The following EXT1 variants were observed in gnomAD, a reference collection of about 807,000 sequenced individuals.
The protein encoded by EXT1 is exostosin glycosyltransferase 1.
In EXT1, 20 loss-of-function variants were observed where a neutral mutation model predicts 82.5. The ratio of observed to expected loss-of-function variants is 0.24; its 90% CI spans 0.17 to 0.35. The LOEUF (loss-of-function observed/expected upper bound fraction) is 0.35, where lower values mean the gene tolerates loss of function less well. EXT1 is among the 10% of genes least tolerant of loss of function. The pLI is 1.00. For synonymous variants in EXT1, 348 were observed against 350.8 expected (o/e 0.99, Z 0.09); for missense variants, 757 against 936.5 (o/e 0.81, Z 2.50).
intron 1 of EXT1, among the ~76,000 whole-genome samples, chr8:117,942,931 G>T (rs1490860782): frequency 6.6e-6 from 1 of 152,174 alleles, no homozygotes; most frequent in Non-Finnish European, 1.5e-5. Flanking sequence ...AGAGCTTCTT[G>T]GACCCATAGA....
At chr8:118,010,157 G>C (rs1815867862) in intron 1 of EXT1, among the ~76,000 whole-genome samples, 1 of 151,932 alleles carries the variant, frequency 6.6e-6, no homozygotes, top group African/African-American at 2.4e-5. Flanking sequence ...CGGATCACGA[G>C]GTCAGGAGCT....
At chr8:118,022,287 T>C (rs1816118295) in intron 1 of EXT1, among the ~76,000 whole-genome samples, 1 of 148,324 alleles carries the variant, frequency 6.7e-6, no homozygotes, top group Non-Finnish European at 1.5e-5. Context: ...GGAGGCAATA[T>C]ATTAAAAAAA....
At chr8:117,854,550 C>T (rs994490231) in intron 1 of EXT1, among the ~76,000 whole-genome samples, 20 of 152,082 alleles carry the variant, frequency 1.3e-4, no homozygotes, top group Non-Finnish European at 4.4e-5. Flanking sequence ...AAGAAAGCTG[C>T]TGGTAAGTGT....
chr8:117,968,103 A>T (rs1814860022), intron 1 of EXT1, among the ~76,000 whole-genome samples: 1 of 151,984 alleles, frequency 6.6e-6, no homozygotes, highest in Non-Finnish European at 1.5e-5. Context: ...TAAACAATAA[A>T]ATTTACTTTT....
chr8:117,870,574 A>G (rs571429899), intron 1 of EXT1, among the ~76,000 whole-genome samples: 1 of 150,596 alleles, frequency 6.6e-6, no homozygotes, highest in Admixed American at 6.6e-5. Flanking sequence ...TATTTACCCT[A>G]GAGTGAATTG....
chr8:117,884,448 T>C (rs550909743), intron 1 of EXT1, among the ~76,000 whole-genome samples: 1 of 152,294 alleles, frequency 6.6e-6, no homozygotes, highest in Admixed American at 6.5e-5. Context: ...AGCTTTTTCT[T>C]AGATGCAATC....
At position 117,921,044 on chromosome 8, in the gene EXT1, T is replaced by C. The variant is rs11562682; in HGVS notation, c.963-83843A>G. ...CCATCACAGGTCATCCTTTAATGTT[T>C]TGCATCGAAAGGGTGGTTTTTATAT... is the stretch of plus-strand genomic sequence containing the variant. On this transcript the variant is annotated intron_variant, in intron 1 of 10. Transcript: ENST00000378204. Among the ~76,000 whole-genome samples the C allele has an allele frequency of 6.7e-3, 1,017 of 152,336 alleles. 13 individuals carry two copies. The highest frequency in any genetic ancestry group is 0.021 in the African/African-American group (893 of 41,568).
rs1171598650 is a variant in EXT1, at chr8:117,937,100, C to T, written c.963-99899G>A. 2.6e-5 allele frequency among the ~76,000 whole-genome samples: 4 copies of T among 152,274 alleles called. No individual in the cohort carries two copies. The East Asian group carries it at 5.8e-4, about 22-fold the overall frequency. On this transcript the variant is annotated intron_variant, in intron 1 of 10. Coordinates refer to ENST00000378204, the MANE Select transcript of EXT1 (RefSeq NM_000127.3). ...TCCCCTGCCCAATATCCCCTCAAAA[C>T]ACACCATTTAGCTCCTTCAAATACC...
intron 1 of EXT1, among the ~76,000 whole-genome samples, chr8:117,863,786 G>A (rs1009014774): frequency 1.3e-5 from 2 of 152,156 alleles, no homozygotes; most frequent in East Asian, 1.9e-4. Flanking sequence ...CGCAGGGTGA[G>A]GAAGAAGGTG....
At chr8:118,016,326 G>A (rs1816002946) in intron 1 of EXT1, among the ~76,000 whole-genome samples, 1 of 152,220 alleles carries the variant, frequency 6.6e-6, no homozygotes, top group Admixed American at 6.5e-5. Context: ...CTGGGAGGCA[G>A]AGGTTGCAGT....
At chr8:118,110,001 AC>A in intron 1 of EXT1, 83 bp downstream of exon 1, 1 of 1,604,394 alleles carries the variant, frequency 6.2e-7, no homozygotes. Flanking sequence ...ATCCGCCCTC[AC>A]CCCATCCCCC....
intron 1 of EXT1, among the ~76,000 whole-genome samples, chr8:118,082,157 T>C (rs1238104300): frequency 1.3e-5 from 2 of 152,292 alleles, no homozygotes; most frequent in East Asian, 3.9e-4. Context: ...GACCTCAGAC[T>C]AGGGGAAGGG....
intron 1 of EXT1, among the ~76,000 whole-genome samples, chr8:117,972,942 T>C (rs1245977759): frequency 1.3e-5 from 2 of 152,150 alleles, no homozygotes; most frequent in Non-Finnish European, 2.9e-5. Flanking sequence ...GGAACTAAAA[T>C]TCAGATGAGA....
intron 1 of EXT1, among the ~76,000 whole-genome samples, chr8:118,009,598 G>A (rs1342279783): frequency 3.3e-5 from 5 of 152,186 alleles, no homozygotes; most frequent in East Asian, 1.9e-4. Context: ...GTTAGGAACC[G>A]GGCTGCAAAG....
At chr8:118,075,814 TCA>T (rs1215971829) in intron 1 of EXT1, among the ~76,000 whole-genome samples, 1 of 151,948 alleles carries the variant, frequency 6.6e-6, no homozygotes, top group Non-Finnish European at 1.5e-5. Flanking sequence ...GGGAGAGGTT[TCA>T]CACAGTTTGA....
intron 5 of EXT1, among the ~76,000 whole-genome samples, chr8:117,821,102 C>T (rs1402868912): frequency 2.0e-5 from 3 of 152,194 alleles, no homozygotes; most frequent in Non-Finnish European, 4.4e-5. Flanking sequence ...AGTGGCTTAA[C>T]TGCGAGCAAC....
chr8:118,097,356 A>T (rs892478889), intron 1 of EXT1, among the ~76,000 whole-genome samples: 1 of 152,212 alleles, frequency 6.6e-6, no homozygotes, highest in Non-Finnish European at 1.5e-5. Context: ...CTGAGGCAGG[A>T]GAATTGCTTG....
At position 118,051,472 on chromosome 8, in the gene EXT1, C is replaced by T. The variant is rs376894860; in HGVS notation, c.962+58613G>A. ...TTGCATCCTGTGCCTTTCAGTTAAA[C>T]AAAAATTGAATAAAGCCAGTTTTAA... On this transcript the variant is annotated intron_variant, in intron 1 of 10. Coordinates refer to ENST00000378204, the MANE Select transcript of EXT1 (RefSeq NM_000127.3). 2.0e-5 allele frequency among the ~76,000 whole-genome samples: 3 copies of T among 152,126 alleles called. No homozygotes were observed. In the East Asian group the frequency reaches 5.8e-4, roughly 29 times the overall value.
At chr8:117,884,010 G>A (rs914135533) in intron 1 of EXT1, among the ~76,000 whole-genome samples, 6 of 152,212 alleles carry the variant, frequency 3.9e-5, no homozygotes, top group South Asian at 2.1e-4. Flanking sequence ...GGAGAGAGTC[G>A]GAGGGAGGAA....
Sources: gnomAD v4.1 joint callset for allele counts (sites outside exome capture counted in the v4.1 genomes callset) on GRCh38, gnomAD v4.1.1 for gene constraint, MANE v1.5 for transcripts, NCBI Gene and HGNC (gene_info 2026-07-23, HGNC 2026-07-21) for gene names.